RPS29: variants seen among roughly 807,000 people sequenced by gnomAD.
RPS29 encodes the protein small ribosomal subunit protein uS14.
For synonymous variants in RPS29, 37 were observed against 26.9 expected, an observed-to-expected ratio of 1.37 and a Z score of -1.16; for missense variants, 60 against 75.7, an observed-to-expected ratio of 0.79 and a Z score of 0.77.
chr14:49,590,177 AG>A (rs1002147637), upstream of RPS29, among the ~76,000 whole-genome samples: 6 of 152,164 alleles, frequency 3.9e-5, no homozygotes, highest in Admixed American at 3.3e-4. Flanking sequence ...TGAAACTAAA[AG>A]TTTTTTTAAA....
chr14:49,587,788 A>T (rs929959505), upstream of RPS29, among the ~76,000 whole-genome samples: 2 of 152,232 alleles, frequency 1.3e-5, no homozygotes, highest in Non-Finnish European at 2.9e-5. Context: ...CAAGAAGAGA[A>T]ATTAATTCCA....
downstream of RPS29, among the ~76,000 whole-genome samples, chr14:49,579,978 C>G (rs1009963544): frequency 1.3e-5 from 2 of 152,168 alleles, no homozygotes; most frequent in Non-Finnish European, 2.9e-5. Context: ...TACTCTAAGA[C>G]TGGAAAAAGG....
exon 3 of RPS29, chr14:49,577,291 G>A (rs541237822): frequency 3.0e-4 from 48 of 157,422 alleles, no homozygotes; most frequent in African/African-American, 9.9e-4. Flanking sequence ...TTAGCCACAC[G>A]AACAACTGTC....
At chr14:49,573,445 C>T (rs1881104781) in exon 3 of RPS29, 1 of 149,422 alleles carries the variant, frequency 6.7e-6, no homozygotes, top group Admixed American at 6.7e-5. Context: ...TGCACTCCAG[C>T]CTGGACAACA....
chr14:49,591,045 T>A (rs889485005), upstream of RPS29, among the ~76,000 whole-genome samples: 1 of 152,164 alleles, frequency 6.6e-6, no homozygotes, highest in African/African-American at 2.4e-5. Context: ...AGTTGTTCAA[T>A]AGTGTTATGT....
At chr14:49,586,225 A>AT (rs1881547612) in intron 1 of RPS29, 60 bp downstream of exon 1, 1 of 1,570,922 alleles carries the variant, frequency 6.4e-7, no homozygotes, top group African/African-American at 1.4e-5. Context: ...TCTACTTGAG[A>AT]TTTTAAGCAG....
chr14:49,583,113 A>G (rs1436634470), downstream of RPS29, among the ~76,000 whole-genome samples: 2 of 152,180 alleles, frequency 1.3e-5, no homozygotes, highest in African/African-American at 4.8e-5. Context: ...TGCTGGGATT[A>G]CAGGCCTGAA....
At chr14:49,592,226 T>A (rs1338244183) in intron 1 of RPS29, 4 of 152,184 alleles carry the variant, frequency 2.6e-5, no homozygotes, top group African/African-American at 9.6e-5. Flanking sequence ...TTTTTTTTTT[T>A]ATTTTTTATT....
chr14:49,581,992 T>C (rs1161482286), downstream of RPS29, among the ~76,000 whole-genome samples: 18 of 118,088 alleles, frequency 1.5e-4, no homozygotes, highest in African/African-American at 5.2e-4. Flanking sequence ...GCTTGGGTGA[T>C]AGAGCAAGAC....
chr14:49,585,596 A>G (rs74369218), intron 2 of RPS29: 8,885 of 378,370 alleles, frequency 0.023, 366 homozygotes, highest in African/African-American at 0.12. Context: ...AAAAAAAAAA[A>G]AGAGAATAGG....
intron 1 of RPS29, among the ~76,000 whole-genome samples, chr14:49,591,850 G>A (rs1315924925): frequency 2.7e-5 from 4 of 149,452 alleles, no homozygotes; most frequent in African/African-American, 7.4e-5. Context: ...TCGATATCCT[G>A]ACCTCATGAT....
chr14:49,592,739 T>C (rs1881742313), intron 1 of RPS29, among the ~76,000 whole-genome samples: 2 of 150,536 alleles, frequency 1.3e-5, no homozygotes, highest in African/African-American at 4.9e-5. Context: ...AGAAACCACG[T>C]GTCTACGAAA....
chr14:49,583,553 C>T (rs562748781), downstream of RPS29: 12 of 1,129,560 alleles, frequency 1.1e-5, no homozygotes, highest in South Asian at 1.0e-4. Context: ...ATTCCAGTCA[C>T]ATTAGAACAC....
chr14:49,595,189 G>C (rs1206262998), intron 1 of RPS29, among the ~76,000 whole-genome samples: 1 of 151,852 alleles, frequency 6.6e-6, no homozygotes, highest in African/African-American at 2.4e-5. Flanking sequence ...TTGAGTCTTA[G>C]ATGATGTTTA....
chr14:49,577,553 T>C (rs943212196), exon 3 of RPS29: 24 of 617,254 alleles, frequency 3.9e-5, no homozygotes, highest in Non-Finnish European at 5.2e-5. Flanking sequence ...TCCAGCTCCT[T>C]AACGTTGTGG....
At chr14:49,583,301 A>G (rs914986607), downstream of RPS29, among the ~76,000 whole-genome samples, 2 of 152,196 alleles carry the variant, frequency 1.3e-5, no homozygotes, top group African/African-American at 4.8e-5. Flanking sequence ...CTGTAATCCC[A>G]GAGCTTTGGG....
At chr14:49,580,110 C>T (rs149372680), downstream of RPS29, among the ~76,000 whole-genome samples, 17 of 152,286 alleles carry the variant, frequency 1.1e-4, no homozygotes, top group Admixed American at 2.0e-4. Flanking sequence ...AGGCACTGCA[C>T]GTCTCTTACA....
exon 3 of RPS29, chr14:49,576,335 T>A (rs1881179797): frequency 6.6e-6 from 1 of 152,138 alleles, no homozygotes; most frequent in African/African-American, 2.4e-5. Context: ...ACTCCTGGCA[T>A]CAAACCATCC....
chr14:49,577,809 G>A (rs1477730808), exon 3 of RPS29: 2 of 1,602,284 alleles, frequency 1.2e-6, no homozygotes, highest in South Asian at 1.1e-5. Context: ...GAGGAGATGG[G>A]TGTCACCTCC....
Sources: allele counts gnomAD v4.1 joint callset (sites outside exome capture counted in the v4.1 genomes callset), GRCh38; gene constraint gnomAD v4.1.1; transcripts MANE v1.5; gene names NCBI Gene and HGNC (gene_info 2026-07-23, HGNC 2026-07-21).